The following HS3ST3A1 variants were observed in gnomAD, a reference collection of about 807,000 sequenced individuals.
HS3ST3A1 encodes heparan sulfate glucosamine 3-O-sulfotransferase 3A1.
In HS3ST3A1, 19 loss-of-function variants were observed where a neutral mutation model predicts 25.7. The observed-to-expected ratio is 0.74, with a 90% CI of 0.52 to 1.08. HS3ST3A1 has a LOEUF of 1.08. Ranked by LOEUF, HS3ST3A1 falls within the 50% of genes least tolerant of loss-of-function variation. HS3ST3A1 has a pLI of 0.00. For synonymous variants in HS3ST3A1, 226 were observed against 278.6 expected (o/e 0.81, Z 1.88); for missense variants, 459 against 594.3 (o/e 0.77, Z 2.37).
intron 1 of HS3ST3A1, among the ~76,000 whole-genome samples, chr17:13,552,305 A>G (rs6502280): frequency 0.44 from 67,030 of 151,672 alleles, 15,086 homozygotes; most frequent in Middle Eastern, 0.52. Flanking sequence ...CTGGTCTCGA[A>G]CTCCTGACCT....
At chr17:13,578,085 G>A (rs1907993781) in intron 1 of HS3ST3A1, among the ~76,000 whole-genome samples, 1 of 152,086 alleles carries the variant, frequency 6.6e-6, no homozygotes, top group African/African-American at 2.4e-5. Flanking sequence ...ATAATGATAG[G>A]TGAGCATTAA....
At chr17:13,515,598 T>G (rs1387817668) in intron 1 of HS3ST3A1, among the ~76,000 whole-genome samples, 1 of 150,756 alleles carries the variant, frequency 6.6e-6, no homozygotes, top group East Asian at 2.0e-4. Context: ...TGACTAGAAC[T>G]GTTATTAACA....
chr17:13,595,482 G>A (rs1443540156), intron 1 of HS3ST3A1, among the ~76,000 whole-genome samples: 2 of 152,076 alleles, frequency 1.3e-5, no homozygotes, highest in South Asian at 2.1e-4. Flanking sequence ...AATTAGCAAA[G>A]GTTTTAAAGT....
In HS3ST3A1 at chr17:13,583,681, A is replaced by T. The variant is rs146421385; in HGVS notation, c.599+16850T>A. 1.5e-3 allele frequency among the ~76,000 whole-genome samples: 223 copies of T among 152,360 alleles called. No individual in the cohort carries two copies. In the Middle Eastern group the frequency reaches 0.02, roughly 14 times the overall value. On this transcript the variant is annotated intron_variant, in intron 1 of 1. Transcript: ENST00000284110. ...TGCAATATCCCAATATTAAATCTAAAGAGATGACATGAACATAGTTGTTGA... is the reference window on the plus strand; with the variant it reads ...TGCAATATCCCAATATTAAATCTAATGAGATGACATGAACATAGTTGTTGA...
Position 13,496,055 on chromosome 17 carries a change from G to A in HS3ST3A1, c.*142C>T, listed in dbSNP as rs560355812. ...TGTTGGTTATACATTAAGATGGGGC[G>A]GGAGTGAGAACAATCTCTTAACATT... On this transcript the variant is annotated 3_prime_UTR_variant, in exon 2 of 2. Coordinates refer to ENST00000284110, the MANE Select transcript of HS3ST3A1 (RefSeq NM_006042.3). 2.6e-5 allele frequency: 26 copies of A among 1,015,598 alleles called. No individual in the cohort carries two copies. The South Asian group carries it at 4.3e-4, about 17-fold the overall frequency. 62.9% of individuals were successfully genotyped at this position (1,015,598 alleles called of 1,614,324 possible).
At chr17:13,590,906 T>C (rs78706549) in intron 1 of HS3ST3A1, among the ~76,000 whole-genome samples, 20,856 of 151,314 alleles carry the variant, frequency 0.14, 1,457 homozygotes, top group East Asian at 0.19. Context: ...GAGCACTGGA[T>C]TGGGGGGGGA....
At position 13,570,502 on chromosome 17, in the gene HS3ST3A1, G is replaced by C. The variant is rs144182771; in HGVS notation, c.599+30029C>G. Reference sequence around the variant, plus strand: ...TCCTTTTTGTTTGTTTGTTTTTCGAGACAAACAAACTCTGCTCTCTAGGCT... The same window carrying C: ...TCCTTTTTGTTTGTTTGTTTTTCGACACAAACAAACTCTGCTCTCTAGGCT... On this transcript the variant is annotated intron_variant, in intron 1 of 1. Coordinates refer to ENST00000284110, the MANE Select transcript of HS3ST3A1 (RefSeq NM_006042.3). 4.6e-3 allele frequency among the ~76,000 whole-genome samples: 695 copies of C among 152,188 alleles called. 15 individuals are homozygous for C. Among genetic ancestry groups the C allele is most frequent in the Admixed American group, 0.04 (615 of 15,294 alleles).
chr17:13,561,035 A>C (rs1482953306), intron 1 of HS3ST3A1, among the ~76,000 whole-genome samples: 1 of 152,190 alleles, frequency 6.6e-6, no homozygotes. Context: ...TTTGTAACAC[A>C]TCTCAGCCAG....
intron 1 of HS3ST3A1, among the ~76,000 whole-genome samples, chr17:13,591,171 G>T (rs895697034): frequency 1.3e-5 from 2 of 150,334 alleles, no homozygotes; most frequent in African/African-American, 4.9e-5. Flanking sequence ...CTCAGCCTCC[G>T]GAGTACCTGG....
chr17:13,524,587 C>T (rs2142323229), intron 1 of HS3ST3A1, among the ~76,000 whole-genome samples: 1 of 152,234 alleles, frequency 6.6e-6, no homozygotes, highest in South Asian at 2.1e-4. Context: ...CTTGTTTTTC[C>T]AATTGCTCTG....
intron 1 of HS3ST3A1, among the ~76,000 whole-genome samples, chr17:13,545,138 G>A (rs1234498008): frequency 1.3e-5 from 2 of 152,186 alleles, no homozygotes; most frequent in Non-Finnish European, 2.9e-5. Context: ...CCTCAGGCAT[G>A]GACGCCTTTA....
intron 1 of HS3ST3A1, among the ~76,000 whole-genome samples, chr17:13,526,887 A>C (rs537254902): frequency 2.0e-5 from 3 of 152,090 alleles, no homozygotes; most frequent in African/African-American, 7.2e-5. Context: ...TCCCGACCTC[A>C]GGTGATCTAC....
intron 1 of HS3ST3A1, among the ~76,000 whole-genome samples, chr17:13,536,608 G>A (rs78194890): frequency 2.6e-5 from 4 of 152,144 alleles, no homozygotes; most frequent in Non-Finnish European, 5.9e-5. Context: ...CCACGCCCAC[G>A]TTTAACACCC....
chr17:13,516,744 C>T (rs1906067002), intron 1 of HS3ST3A1, among the ~76,000 whole-genome samples: 1 of 152,140 alleles, frequency 6.6e-6, no homozygotes, highest in Non-Finnish European at 1.5e-5. Flanking sequence ...GAAACGTTTT[C>T]TTTCTCCCAT....
In HS3ST3A1 at chr17:13,578,366, G is replaced by A. The variant is rs567231417; in HGVS notation, c.599+22165C>T. On this transcript the variant is annotated intron_variant, in intron 1 of 1. Coordinates refer to ENST00000284110, the MANE Select transcript of HS3ST3A1 (RefSeq NM_006042.3). Reference sequence around the variant, plus strand: ...AGTTCAAGACCAGCCCGGCCAACACGGTGAAATCCCCGTCTCTACAAAAAT... The same window carrying A: ...AGTTCAAGACCAGCCCGGCCAACACAGTGAAATCCCCGTCTCTACAAAAAT... Among the ~76,000 whole-genome samples the A allele has an allele frequency of 2.0e-4, 30 of 148,610 alleles. No homozygotes were observed. The South Asian group carries it at 3.3e-3, about 16-fold the overall frequency.
At chr17:13,528,176 T>C (rs1256510130) in intron 1 of HS3ST3A1, among the ~76,000 whole-genome samples, 2 of 152,186 alleles carry the variant, frequency 1.3e-5, no homozygotes, top group Non-Finnish European at 2.9e-5. Flanking sequence ...TAATGTAATG[T>C]GAAGGCTGCA....
At chr17:13,518,608 A>G (rs1336221955) in intron 1 of HS3ST3A1, among the ~76,000 whole-genome samples, 1 of 152,188 alleles carries the variant, frequency 6.6e-6, no homozygotes, top group Non-Finnish European at 1.5e-5. Context: ...TAGTTTATCC[A>G]TGTGACTTGC....
intron 1 of HS3ST3A1, among the ~76,000 whole-genome samples, chr17:13,521,323 C>T (rs1174368004): frequency 2.0e-5 from 3 of 152,188 alleles, no homozygotes; most frequent in African/African-American, 7.2e-5. Context: ...AAAATGTAGT[C>T]TTGATCTTGG....
rs1905239829 is a variant in HS3ST3A1, at chr17:13,495,439, A to C, written c.*758T>G. Among the ~76,000 whole-genome samples, 2 of 152,298 alleles carry C rather than the reference A, an allele frequency of 1.3e-5. No individual in the cohort carries two copies. Among genetic ancestry groups the C allele is most frequent in the South Asian group, 4.1e-4 (2 of 4,820 alleles). On this transcript the variant is annotated 3_prime_UTR_variant, in exon 2 of 2. Transcript: ENST00000284110. ...GGGGTAGCCTGGGAATTTAGAAAACAAGGGGCTCTCTTTCCCTTTTCATAT... is the reference window on the plus strand; with the variant it reads ...GGGGTAGCCTGGGAATTTAGAAAACCAGGGGCTCTCTTTCCCTTTTCATAT...
Sources: allele counts gnomAD v4.1 joint callset (sites outside exome capture counted in the v4.1 genomes callset), GRCh38; gene constraint gnomAD v4.1.1; transcripts MANE v1.5; gene names NCBI Gene and HGNC (gene_info 2026-07-23, HGNC 2026-07-21).